The following CFAP20 variants were observed in gnomAD, a reference collection of about 807,000 sequenced individuals.
CFAP20 encodes cilia and flagella associated protein 20.
CFAP20 carries 14 observed loss-of-function variants against 25.5 expected under a neutral mutation model. The observed-to-expected ratio is 0.55, with a 90% CI of 0.36 to 0.86. The LOEUF (loss-of-function observed/expected upper bound fraction) is 0.86, where lower values mean the gene tolerates loss of function less well. Ranked by LOEUF, CFAP20 falls within the 40% of genes least tolerant of loss-of-function variation. The pLI is 0.01. For synonymous variants in CFAP20, 75 were observed against 91.1 expected (o/e 0.82, Z 1.01); for missense variants, 181 against 248.0 (o/e 0.73, Z 1.81).
At chr16:58,117,574 G>A (rs921244121) in intron 1 of CFAP20, among the ~76,000 whole-genome samples, 24 of 152,040 alleles carry the variant, frequency 1.6e-4, no homozygotes, top group Admixed American at 2.6e-4. Flanking sequence ...GATTATAAGC[G>A]TGCAGCACCA....
chr16:58,120,277 A>C (rs1223905638), intron 1 of CFAP20, among the ~76,000 whole-genome samples: 1 of 152,276 alleles, frequency 6.6e-6, no homozygotes, highest in African/African-American at 2.4e-5. Context: ...ATAGACAGTT[A>C]AATTGACAGG....
At position 58,116,155 on chromosome 16, in the gene CFAP20, G is replaced by A. The variant is rs370126486; in HGVS notation, c.165-3C>T. ...CAGGGCATGTGATATATGTGGTGCT[G>A]TAGAGAGAGGAAATACTAATAAACA... On this transcript the variant is annotated splice_polypyrimidine_tract_variant and splice_region_variant and intron_variant, in intron 2 of 5. Transcript: ENST00000262498. 39 of 1,592,346 alleles carry A rather than the reference G, an allele frequency of 2.4e-5. No individual in the cohort carries two copies. Among genetic ancestry groups the A allele is most frequent in the African/African-American group, 2.4e-4 (18 of 74,360 alleles).
chr16:58,117,586 G>A (rs987019923), intron 1 of CFAP20, among the ~76,000 whole-genome samples: 13 of 151,822 alleles, frequency 8.6e-5, no homozygotes, highest in Non-Finnish European at 1.9e-4. Flanking sequence ...GCAGCACCAT[G>A]CCCAGCCGAT....
chr16:58,118,614 G>A (rs529082548), intron 1 of CFAP20, among the ~76,000 whole-genome samples: 4 of 151,906 alleles, frequency 2.6e-5, no homozygotes, highest in South Asian at 2.1e-4. Flanking sequence ...AGAACTGCTT[G>A]AGCTCAGGAG....
chr16:58,128,516 C>T (rs564387141), intron 1 of CFAP20, among the ~76,000 whole-genome samples: 1 of 152,280 alleles, frequency 6.6e-6, no homozygotes, highest in South Asian at 2.1e-4. Context: ...CTGTCTGCTC[C>T]TCTGTAAGGG....
At chr16:58,122,913 G>C (rs2058502805) in intron 1 of CFAP20, among the ~76,000 whole-genome samples, 1 of 152,210 alleles carries the variant, frequency 6.6e-6, no homozygotes, top group Non-Finnish European at 1.5e-5. Context: ...AGCAGCAGCT[G>C]AGAGAAAGAC....
rs1402783349 is a variant in CFAP20, at chr16:58,113,772, C to T, written c.*253G>A. On this transcript the variant is annotated 3_prime_UTR_variant, in exon 6 of 6. Coordinates refer to ENST00000262498, the MANE Select transcript of CFAP20 (RefSeq NM_013242.3). Reference sequence around the variant, plus strand: ...CATGGTAAAGGTATCTCCCCCCACACTGGGGCAGGCGGCGGAATAAGCTCC... The same window carrying T: ...CATGGTAAAGGTATCTCCCCCCACATTGGGGCAGGCGGCGGAATAAGCTCC... 4.4e-5 allele frequency: 22 copies of T among 505,038 alleles called. No homozygotes were observed. Among genetic ancestry groups the T allele is most frequent in the East Asian group, 1.6e-4 (5 of 30,578 alleles). 31.3% of individuals were successfully genotyped at this position (505,038 alleles called of 1,614,324 possible). A position where few individuals can be genotyped will look rare whatever the true frequency, so the allele number is the denominator to read the frequency against.
At chr16:58,121,005 G>A (rs946665561) in intron 1 of CFAP20, among the ~76,000 whole-genome samples, 4 of 152,186 alleles carry the variant, frequency 2.6e-5, no homozygotes, top group Admixed American at 2.0e-4. Flanking sequence ...TTAAAGGGCT[G>A]CAAATACAAA....
Position 58,115,272 on chromosome 16 carries a change from C to A in CFAP20, c.462G>T (p.Val154=). Residue 154 remains valine, a synonymous_variant, in exon 4 of 6, where the codon GTG becomes GTT. Coordinates refer to ENST00000262498, the MANE Select transcript of CFAP20 (RefSeq NM_013242.3). The part of the protein sequence containing the change: ...YGTNYIETLR[V]QIHANCRIRR... Reference sequence around the variant, plus strand: ...CTATCTGGGAAAGGAGCAGTACCTGCACTCTGAGGGTCTCGATGTAATTGG... The same window carrying A: ...CTATCTGGGAAAGGAGCAGTACCTGAACTCTGAGGGTCTCGATGTAATTGG... 1 of 1,614,134 alleles carries A rather than the reference C, an allele frequency of 6.2e-7. No homozygotes were observed. The highest frequency in any genetic ancestry group is 1.3e-5 in the African/African-American group (1 of 75,044).
intron 1 of CFAP20, among the ~76,000 whole-genome samples, chr16:58,128,076 T>C (rs1221909620): frequency 6.6e-6 from 1 of 152,200 alleles, no homozygotes; most frequent in African/African-American, 2.4e-5. Context: ...GACTTAAATT[T>C]CACATTGGAG....
At chr16:58,128,282 G>GCCT (rs1960648722) in intron 1 of CFAP20, among the ~76,000 whole-genome samples, 1 of 152,150 alleles carries the variant, frequency 6.6e-6, no homozygotes, top group Admixed American at 6.5e-5. Context: ...TAAAGATGAG[G>GCCT]CCTGTACTTG....
At chr16:58,123,587 C>T (rs1395362079) in intron 1 of CFAP20, among the ~76,000 whole-genome samples, 4 of 84,014 alleles carry the variant, frequency 4.8e-5, no homozygotes, top group Non-Finnish European at 6.4e-5. Flanking sequence ...CAGAGCAAGA[C>T]TCTGTCTCAA....
intron 1 of CFAP20, 80 bp from the exon 2 acceptor site, chr16:58,117,031 C>T: frequency 1.5e-6 from 2 of 1,305,610 alleles, no homozygotes; most frequent in South Asian, 2.5e-5. Flanking sequence ...CACGGTAGCC[C>T]AAGAGGCGTA....
intron 1 of CFAP20, among the ~76,000 whole-genome samples, chr16:58,123,400 TC>T (rs1960563615): frequency 6.7e-6 from 1 of 148,188 alleles, no homozygotes; most frequent in African/African-American, 2.4e-5. Flanking sequence ...ATCGAGACCA[TC>T]CTGGCTAACA....
chr16:58,115,193 T>C (rs3817069), intron 4 of CFAP20, 76 bp downstream of exon 4: 56,832 of 1,567,972 alleles, frequency 0.036, 1,319 homozygotes, highest in East Asian at 0.1. Context: ...TGTTCTGCTA[T>C]GTGGGCCACA....
At chr16:58,117,003 G>C (rs1324046017) in intron 1 of CFAP20, 52 bp from the exon 2 acceptor site, 2 of 1,561,622 alleles carry the variant, frequency 1.3e-6, no homozygotes, top group Non-Finnish European at 1.8e-6. Context: ...AGGCTGAATA[G>C]GACTATTTAA....
At chr16:58,127,687 G>A (rs1313983661) in intron 1 of CFAP20, among the ~76,000 whole-genome samples, 1 of 151,256 alleles carries the variant, frequency 6.6e-6, no homozygotes, top group East Asian at 1.9e-4. Context: ...CTAGCTTGTG[G>A]ATAGAATCAT....
chr16:58,120,892 G>A (rs958567915), intron 1 of CFAP20, among the ~76,000 whole-genome samples: 1 of 152,154 alleles, frequency 6.6e-6, no homozygotes, highest in Non-Finnish European at 1.5e-5. Context: ...TTTAACCCCC[G>A]ATGAAGAAAA....
chr16:58,124,692 C>T (rs1372766412), intron 1 of CFAP20, among the ~76,000 whole-genome samples: 1 of 152,222 alleles, frequency 6.6e-6, no homozygotes, highest in Non-Finnish European at 1.5e-5. Context: ...GTGGAGCATG[C>T]AGGACTGGAA....
Sources: gnomAD v4.1 joint callset for allele counts (sites outside exome capture counted in the v4.1 genomes callset) on GRCh38, gnomAD v4.1.1 for gene constraint, MANE v1.5 for transcripts, NCBI Gene and HGNC (gene_info 2026-07-23, HGNC 2026-07-21) for gene names.